The following PLIN5 variants were observed in gnomAD, a reference collection of about 807,000 sequenced individuals.
PLIN5 encodes the protein perilipin-5.
In PLIN5, 34 loss-of-function variants were observed where a neutral mutation model predicts 32.8. The ratio of observed to expected loss-of-function variants is 1.04; its 90% CI spans 0.79 to 1.38. The LOEUF (loss-of-function observed/expected upper bound fraction) is 1.38. Ranked by LOEUF, PLIN5 falls within the 40% of genes most tolerant of loss-of-function variation. The pLI is 0.00. For synonymous variants in PLIN5, 309 were observed against 292.9 expected (o/e 1.05, Z -0.56); for missense variants, 712 against 660.5 (o/e 1.08, Z -0.85).
rs1313905423 is a variant in PLIN5, at chr19:4,529,109, C to T, written c.484G>A (p.Val162Met). 3 of 1,613,316 alleles carry T rather than the reference C, an allele frequency of 1.9e-6. No individual in the cohort carries two copies. Among genetic ancestry groups the T allele is most frequent in the Non-Finnish European group, 2.5e-6 (3 of 1,180,010 alleles). ...TCCGTCATGGGCAGGAAGTGATCCA[C>T]CAGCTCCTCTGATTTTTCCAGTACA... ...DVVLEKSEELVDHFLPMTEEE... is the reference protein window; with the variant it reads ...DVVLEKSEELMDHFLPMTEEE... The change falls in exon 5 of 8, where the codon GTG (valine) becomes ATG (methionine). Residue 162 changes from valine to methionine, a missense_variant. Transcript: ENST00000381848.
In PLIN5 at chr19:4,525,915, G is replaced by GGATACGGGGAC. The variant is rs1976797072; in HGVS notation, c.521-94_521-84dup. On this transcript the variant is annotated intron_variant, in intron 5 of 7. Transcript: ENST00000381848. The surrounding 1 kb of genome is among the most constrained non-coding windows in gnomAD (Gnocchi z 5.6). ...AGGATACGGGGACAGCACGGGGACA[G>GGATACGGGGAC]GATACGGGGACAGCACGGGGACAGG... is the stretch of plus-strand genomic sequence containing the variant. The GGATACGGGGAC allele has an allele frequency of 1.9e-6, 1 of 536,676 alleles. No individual in the cohort carries two copies. The highest frequency in any genetic ancestry group is 2.7e-5 in the East Asian group (1 of 36,456). The allele number at this position is 536,676 out of a possible 1,614,324, so 33.2% of individuals were successfully genotyped here. A position where few individuals can be genotyped will look rare whatever the true frequency, so the allele number is the denominator to read the frequency against.
At chr19:4,528,859 T>C in intron 5 of PLIN5, 1 of 445,796 alleles carries the variant, frequency 2.2e-6, no homozygotes, top group Non-Finnish European at 3.9e-6. Context: ...AAGCCCTATA[T>C]GCCCTTAGGG....
In PLIN5 at chr19:4,523,074, C is replaced by A. The variant is rs1976750012; in HGVS notation, c.*454G>T. ...GGACTACAGGTGCACACCACCACAC[C>A]TGGCTTTTTTTTTTTTTTTCTTTCT... On this transcript the variant is annotated 3_prime_UTR_variant, in exon 8 of 8. Transcript: ENST00000381848. The surrounding 1 kb of genome is among the most constrained non-coding windows in gnomAD (Gnocchi z 5.0). 2 of 138,030 alleles carry A rather than the reference C, an allele frequency of 1.4e-5. No homozygotes were observed. The highest frequency in any genetic ancestry group is 7.8e-5 in the Admixed American group (1 of 12,860). 8.6% of individuals were successfully genotyped at this position (138,030 alleles called of 1,614,324 possible).
At chr19:4,533,136 C>G (rs948345063) in intron 2 of PLIN5, 1 of 148,888 alleles carries the variant, frequency 6.7e-6, no homozygotes, top group Non-Finnish European at 1.5e-5. Flanking sequence ...GTTCTTGTTA[C>G]CTAGGCTGGA....
At position 4,528,880 on chromosome 19, in the gene PLIN5, C is replaced by T. The variant is rs573199827; in HGVS notation, c.520+193G>A. On this transcript the variant is annotated intron_variant, in intron 5 of 7. Transcript: ENST00000381848. ...TATATGCCCTTAGGGTCTGGGTGTTCTGACTCCTGGCGGGATGCAGGTTGA... is the reference window on the plus strand; with the variant it reads ...TATATGCCCTTAGGGTCTGGGTGTTTTGACTCCTGGCGGGATGCAGGTTGA... 380 of 557,940 alleles carry T rather than the reference C, an allele frequency of 6.8e-4. 2 individuals carry two copies. Among genetic ancestry groups the T allele is most frequent in the African/African-American group, 6.7e-3 (351 of 52,178 alleles). The allele number at this position is 557,940 out of a possible 1,614,324, so 34.6% of individuals were successfully genotyped here. A position where few individuals can be genotyped will look rare whatever the true frequency, so the allele number is the denominator to read the frequency against.
At position 4,524,997 on chromosome 19, in the gene PLIN5, C is replaced by T. The variant is rs199793340; in HGVS notation, c.800G>A (p.Gly267Asp). ...GKVHELWGEW[G>D]QRPPESRRRS... ...GCGGCGGCTCTCCGGAGGGCGCTGG[C>T]CCCATTCCCCCCACAGCTCGTGCAC... Residue 267 changes from glycine to aspartate, a missense_variant, in exon 7 of 8, where the codon GGC becomes GAC. By Grantham distance (94) the Gly-to-Asp change is moderately conservative. Transcript: ENST00000381848. The T allele has an allele frequency of 6.7e-3, 10,181 of 1,520,716 alleles. 47 individuals carry two copies. The highest frequency in any genetic ancestry group is 8.3e-3 in the Non-Finnish European group (9,399 of 1,134,616). The allele number at this position is 1,520,716 out of a possible 1,614,324, so 94.2% of individuals were successfully genotyped here. A position where few individuals can be genotyped will look rare whatever the true frequency, so the allele number is the denominator to read the frequency against.
At chr19:4,529,491 CACACATATACATATATACATGTATATAT>C (rs750691045) in intron 4 of PLIN5, 4 of 541,078 alleles carry the variant, frequency 7.4e-6, no homozygotes, top group Admixed American at 6.9e-5. Context: ...TACACATATA[CACACATATACATATATACATGTATATAT>C]ACACATATAC....
intron 2 of PLIN5, 43 bp from the exon 3 acceptor site, chr19:4,531,865 G>A (rs1976890383): frequency 6.8e-7 from 1 of 1,467,136 alleles, no homozygotes; most frequent in Non-Finnish European, 9.0e-7. Context: ...GGGGAAGTGG[G>A]GCCCTAGCCA....
At chr19:4,526,408 G>T (rs978334489) in intron 5 of PLIN5, among the ~76,000 whole-genome samples, 20 of 152,132 alleles carry the variant, frequency 1.3e-4, no homozygotes, top group South Asian at 2.1e-4. Flanking sequence ...TTTTAGTAGA[G>T]ACGGGGTTTC....
rs887183851 is a variant in PLIN5, at chr19:4,525,215, CTT to C, written c.721-141_721-140del. 6.8e-6 allele frequency: 4 copies of C among 585,872 alleles called. No homozygotes were observed. In the African/African-American group the frequency reaches 7.7e-5, roughly 11 times the overall value. 36.3% of individuals were successfully genotyped at this position (585,872 alleles called of 1,614,324 possible). A position where few individuals can be genotyped will look rare whatever the true frequency, so the allele number is the denominator to read the frequency against. On this transcript the variant is annotated intron_variant, in intron 6 of 7. Coordinates refer to ENST00000381848, the MANE Select transcript of PLIN5 (RefSeq NM_001013706.3). The surrounding 1 kb of genome is among the most constrained non-coding windows in gnomAD (Gnocchi z 5.6). ...AGGTTGTGCAGGGCCGTGGGGAAGA[CTT>C]GGGCTTGGACCCCAAGGGAGGTGGG... is the stretch of plus-strand genomic sequence containing the variant.
In PLIN5 at chr19:4,531,965, T is replaced by C. The variant is rs536458468; in HGVS notation, c.61-143A>G. On this transcript the variant is annotated intron_variant, in intron 2 of 7. Transcript: ENST00000381848. ...TGAGCACCCCGCCACGTAGAGGCAG[T>C]GAAGATAAACGTGGATGTGAGAATG... 9.2e-5 allele frequency: 75 copies of C among 818,412 alleles called. 1 individual carries two copies. The highest frequency in any genetic ancestry group is 6.7e-4 in the South Asian group (30 of 44,794). 50.7% of individuals were successfully genotyped at this position (818,412 alleles called of 1,614,324 possible).
At chr19:4,530,715 C>T (rs113472640) in intron 3 of PLIN5, among the ~76,000 whole-genome samples, 7,805 of 152,236 alleles carry the variant, frequency 0.051, 649 homozygotes, top group African/African-American at 0.18. Context: ...CTCTGTCACC[C>T]AGGCTGGAGT....
At chr19:4,527,317 C>G (rs1976816494) in intron 5 of PLIN5, among the ~76,000 whole-genome samples, 1 of 151,720 alleles carries the variant, frequency 6.6e-6, no homozygotes, top group South Asian at 2.1e-4. Flanking sequence ...TGTGATCTGC[C>G]CTCCTCGGCC....
Position 4,534,049 on chromosome 19 carries a change from A to G in PLIN5, c.26T>C (p.Ile9Thr), listed in dbSNP as rs1299983376. The change falls in exon 2 of 8, where the codon ATC becomes ACC. Residue 9 changes from isoleucine to threonine, a missense_variant. Physicochemically the swap from Ile to Thr is moderately conservative, Grantham distance 89. Coordinates refer to ENST00000381848, the MANE Select transcript of PLIN5 (RefSeq NM_001013706.3). MSEEEAAQIPRSSVWEQDQ... is the reference protein window; with the variant it reads MSEEEAAQTPRSSVWEQDQ... ...CTGCTCCCACACACTGGATCTGGGGATCTGAGCCGCCTCTTCTTCAGACAT... is the reference window on the plus strand; with the variant it reads ...CTGCTCCCACACACTGGATCTGGGGGTCTGAGCCGCCTCTTCTTCAGACAT... 8 of 1,613,282 alleles carry G rather than the reference A, an allele frequency of 5.0e-6. No homozygotes were observed. The South Asian group carries it at 6.6e-5, about 13-fold the overall frequency.
Position 4,524,012 on chromosome 19 carries a change from G to T in PLIN5, c.908C>A (p.Ser303Tyr). 6.6e-7 allele frequency: 1 copy of T among 1,516,214 alleles called. No individual in the cohort carries two copies. The highest frequency in any genetic ancestry group is 8.8e-7 in the Non-Finnish European group (1 of 1,139,868). The allele number at this position is 1,516,214 out of a possible 1,614,324, so 93.9% of individuals were successfully genotyped here. A position where few individuals can be genotyped will look rare whatever the true frequency, so the allele number is the denominator to read the frequency against. Residue 303 changes from serine (S) to tyrosine (Y), a missense_variant, in exon 8 of 8, where the codon TCC (serine) becomes TAC (tyrosine). Transcript: ENST00000381848. ...ELQGTVEALESSVRGLPAGAQ... is the reference protein window; with the variant it reads ...ELQGTVEALEYSVRGLPAGAQ... ...GCCGGCGGGCAGGCCCCGCACGCTG[G>T]ACTCCAGAGCCTCTACCGTGCCCTG...
Position 4,529,201 on chromosome 19 carries a change from TCCACCACACCCGTGACACTGCTGG to T in PLIN5, c.368_391del (p.Ala123_Val130del). 1 of 1,612,464 alleles carries T rather than the reference TCCACCACACCCGTGACACTGCTGG, an allele frequency of 6.2e-7. No homozygotes were observed. ...CCAGCGCCGGCCCCTCCGGGCCAGGTCCACCACACCCGTGACACTGCTGGCCACCACGTCCTTGGCTGAGGTCAC... is the reference window on the plus strand; with the variant it reads ...CCAGCGCCGGCCCCTCCGGGCCAGGTCCACCACGTCCTTGGCTGAGGTCAC... On this transcript the variant is annotated inframe_deletion, in exon 5 of 8. Coordinates refer to ENST00000381848, the MANE Select transcript of PLIN5 (RefSeq NM_001013706.3).
chr19:4,532,316 C>G (rs913218766), intron 2 of PLIN5: 2 of 153,008 alleles, frequency 1.3e-5, no homozygotes, highest in South Asian at 4.1e-4. Flanking sequence ...CTCAGCCTCC[C>G]GAGGAGCTGG....
chr19:4,525,193 T>C lies in PLIN5; in HGVS notation c.721-117A>G. On this transcript the variant is annotated intron_variant, in intron 6 of 7. Coordinates refer to ENST00000381848, the MANE Select transcript of PLIN5 (RefSeq NM_001013706.3). The surrounding 1 kb of genome is among the most constrained non-coding windows in gnomAD (Gnocchi z 5.6). The stretch of plus-strand genomic sequence containing the variant: ...TAAGCATTTAGGAGACCGAGGCAGG[T>C]TGTGCAGGGCCGTGGGGAAGACTTG... The C allele has an allele frequency of 1.6e-6, 1 of 643,438 alleles. No individual in the cohort carries two copies. Among genetic ancestry groups the C allele is most frequent in the African/African-American group, 1.9e-5 (1 of 52,854 alleles). The allele number at this position is 643,438 out of a possible 1,614,324, so 39.9% of individuals were successfully genotyped here.
intron 5 of PLIN5, among the ~76,000 whole-genome samples, chr19:4,526,449 T>C (rs1193412750): frequency 6.6e-6 from 1 of 152,188 alleles, no homozygotes; most frequent in Non-Finnish European, 1.5e-5. Flanking sequence ...CTAGAACTCC[T>C]GAGCTCAATT....
Sources: allele counts gnomAD v4.1 joint callset (sites outside exome capture counted in the v4.1 genomes callset), GRCh38; gene constraint gnomAD v4.1.1; non-coding constraint Gnocchi (gnomAD v3.1); transcripts MANE v1.5; gene names NCBI Gene and HGNC (gene_info 2026-07-23, HGNC 2026-07-21).